The following RNF38 variants were observed in gnomAD, a reference collection of about 807,000 sequenced individuals.
RNF38 encodes ring finger protein 38, also known as E3 ubiquitin-protein ligase RNF38.
A neutral mutation model predicts 67.2 loss-of-function variants in RNF38; 15 were observed. That is an observed-to-expected ratio of 0.22 (90% CI 0.15 to 0.34). The LOEUF (loss-of-function observed/expected upper bound fraction) is 0.34, where lower values mean the gene tolerates loss of function less well. RNF38 is among the 10% of genes least tolerant of loss of function. The pLI is 1.00. For missense variants in RNF38, 524 were observed against 639.9 expected (o/e 0.82, Z 1.95); for synonymous variants, 220 against 218.8 (o/e 1.01, Z -0.05).
intron 1 of RNF38, among the ~76,000 whole-genome samples, chr9:36,482,353 C>CT (rs71336457): frequency 0.88 from 93,777 of 106,950 alleles, 41,908 homozygotes; most frequent in East Asian, 0.98. Context: ...GTGCCCAGAC[C>CT]TTTTTTTTTT....
intron 1 of RNF38, among the ~76,000 whole-genome samples, chr9:36,442,540 G>A (rs568291760): frequency 6.6e-6 from 1 of 152,300 alleles, no homozygotes; most frequent in South Asian, 2.1e-4. Flanking sequence ...CCAGCACTTT[G>A]GGAGGCCGAG....
At chr9:36,454,868 GC>G (rs1839548029) in intron 1 of RNF38, among the ~76,000 whole-genome samples, 1 of 152,114 alleles carries the variant, frequency 6.6e-6, no homozygotes, top group African/African-American at 2.4e-5. Flanking sequence ...AAAGGCGTGA[GC>G]CACTGCACCC....
Position 36,455,753 on chromosome 9 carries a change from G to A in RNF38, n.242-31070C>T, listed in dbSNP as rs940040107. On this transcript the variant is annotated intron_variant and non_coding_transcript_variant, in intron 1 of 3. Coordinates refer to the RNF38 transcript ENST00000488058. ...AGCCTGGCCAAGATGGTGAAACCCC[G>A]TCTCTACTAAAAGTACAAAAATTAC... Among the ~76,000 whole-genome samples the A allele has an allele frequency of 3.3e-4, 50 of 151,658 alleles. 1 individual carries two copies. The highest frequency in any genetic ancestry group is 3.0e-3 in the Admixed American group (46 of 15,218).
upstream of RNF38, chr9:36,400,905 C>T (rs1837978985): frequency 1.1e-6 from 1 of 919,822 alleles, no homozygotes; most frequent in African/African-American, 1.8e-5. Flanking sequence ...CCCCTCCCCG[C>T]CCCGCCGCGC....
chr9:36,356,605 T>A, intron 5 of RNF38, 132 bp from the exon 6 acceptor site: 1 of 641,454 alleles, frequency 1.6e-6, no homozygotes, highest in Non-Finnish European at 2.5e-6. Flanking sequence ...TAGCTTATAT[T>A]AACAATGAAA....
chr9:36,362,096 C>A (rs1371188565), intron 4 of RNF38, among the ~76,000 whole-genome samples: 2 of 152,194 alleles, frequency 1.3e-5, no homozygotes, highest in African/African-American at 4.8e-5. Context: ...GTGGCTCACG[C>A]TTGTAATCCC....
At chr9:36,370,526 T>C (rs927379890) in intron 3 of RNF38, among the ~76,000 whole-genome samples, 1 of 152,202 alleles carries the variant, frequency 6.6e-6, no homozygotes, top group Non-Finnish European at 1.5e-5. Flanking sequence ...TCAACATAAA[T>C]ATTCCAAGAA....
chr9:36,471,603 C>A (rs1180637599), intron 1 of RNF38, among the ~76,000 whole-genome samples: 1 of 152,150 alleles, frequency 6.6e-6, no homozygotes, highest in Admixed American at 6.6e-5. Flanking sequence ...AGTTCCAGGC[C>A]AGCCTGGGCA....
At chr9:36,485,950 A>G (rs923202294) in intron 1 of RNF38, among the ~76,000 whole-genome samples, 4 of 152,192 alleles carry the variant, frequency 2.6e-5, no homozygotes, top group Admixed American at 2.0e-4. Flanking sequence ...CTAAAAGAAA[A>G]TAAGTGACTG....
chr9:36,348,472 C>CAAACA (rs1404324928), intron 9 of RNF38, among the ~76,000 whole-genome samples: 1 of 151,974 alleles, frequency 6.6e-6, no homozygotes, highest in Non-Finnish European at 1.5e-5. Flanking sequence ...GACCCTGTCT[C>CAAACA]AAACAAAACA....
intron 1 of RNF38, among the ~76,000 whole-genome samples, chr9:36,481,973 C>T (rs1474124399): frequency 6.6e-6 from 1 of 151,760 alleles, no homozygotes; most frequent in East Asian, 1.9e-4. Flanking sequence ...TTCAAGTGAG[C>T]ACTGTAAGAA....
chr9:36,416,367 G>A (rs908455715), intron 2 of RNF38, among the ~76,000 whole-genome samples: 2 of 152,066 alleles, frequency 1.3e-5, no homozygotes, highest in Non-Finnish European at 2.9e-5. Flanking sequence ...CAGCAAGGCC[G>A]GTCTCAGTCC....
chr9:36,389,225 CTTTGT>C (rs1836880241), intron 2 of RNF38, among the ~76,000 whole-genome samples: 1 of 151,324 alleles, frequency 6.6e-6, no homozygotes, highest in Admixed American at 6.6e-5. Flanking sequence ...GCAATTGGCT[CTTTGT>C]TTTGTTTTCA....
intron 10 of RNF38, among the ~76,000 whole-genome samples, chr9:36,342,908 G>A (rs1443617510): frequency 6.6e-6 from 1 of 152,168 alleles, no homozygotes; most frequent in Non-Finnish European, 1.5e-5. Flanking sequence ...AAATGCAGTT[G>A]TTCTTCAGTA....
At chr9:36,434,243 G>A (rs1234740996) in intron 1 of RNF38, among the ~76,000 whole-genome samples, 2 of 133,804 alleles carry the variant, frequency 1.5e-5, no homozygotes, top group African/African-American at 5.6e-5. Context: ...TGAGAAAGGG[G>A]AAGGGAGGGG....
intron 1 of RNF38, among the ~76,000 whole-genome samples, chr9:36,392,442 G>A (rs1837185253): frequency 6.6e-6 from 1 of 152,096 alleles, no homozygotes; most frequent in South Asian, 2.1e-4. Flanking sequence ...ATTACATTAG[G>A]AATATAGAGA....
intron 3 of RNF38, among the ~76,000 whole-genome samples, chr9:36,370,841 C>T (rs772630060): frequency 5.3e-5 from 8 of 150,996 alleles, no homozygotes; most frequent in South Asian, 2.1e-4. Context: ...CCTGGAAGGC[C>T]GAGGCTGTAG....
At chr9:36,454,580 CTTTTT>C (rs377679133) in intron 1 of RNF38, among the ~76,000 whole-genome samples, 4 of 112,466 alleles carry the variant, frequency 3.6e-5, no homozygotes, top group Non-Finnish European at 5.2e-5. Context: ...CATTAATTTA[CTTTTT>C]TTTTTTTTTT....
chr9:36,443,904 A>G (rs1390711601), intron 1 of RNF38, among the ~76,000 whole-genome samples: 1 of 152,176 alleles, frequency 6.6e-6, no homozygotes, highest in Non-Finnish European at 1.5e-5. Context: ...ACTACAGTCA[A>G]CTTTTGGCTA....
Sources: allele counts gnomAD v4.1 joint callset (sites outside exome capture counted in the v4.1 genomes callset), GRCh38; gene constraint gnomAD v4.1.1; transcripts MANE v1.5; gene names NCBI Gene and HGNC (gene_info 2026-07-23, HGNC 2026-07-21).